The following TAFA2 variants were observed in gnomAD, a reference collection of about 807,000 sequenced individuals.
TAFA2 encodes the protein chemokine-like protein TAFA-2.
Under a neutral mutation model 18.8 loss-of-function variants are expected in TAFA2, and 7 were observed. The ratio of observed to expected loss-of-function variants is 0.37; its 90% CI spans 0.21 to 0.70. The LOEUF (loss-of-function observed/expected upper bound fraction) is 0.70, where lower values mean the gene tolerates loss of function less well. TAFA2 is among the 30% of genes least tolerant of loss of function. The pLI is 0.53. For synonymous variants in TAFA2, 60 were observed against 54.2 expected (o/e 1.11, Z -0.47); for missense variants, 122 against 158.1 (o/e 0.77, Z 1.23).
intron 1 of TAFA2, among the ~76,000 whole-genome samples, chr12:61,990,279 G>T (rs1204277093): frequency 1.3e-5 from 2 of 148,854 alleles, no homozygotes; most frequent in Non-Finnish European, 3.0e-5. Flanking sequence ...CCATTTGTTA[G>T]TTTATTCTTT....
intron 1 of TAFA2, among the ~76,000 whole-genome samples, chr12:61,954,899 T>G (rs141250595): frequency 5.5e-4 from 84 of 152,284 alleles, no homozygotes; most frequent in African/African-American, 1.9e-3. Flanking sequence ...GTTCATTGAC[T>G]TACACAAAAT....
chr12:61,789,182 A>G (rs960998719), intron 2 of TAFA2, among the ~76,000 whole-genome samples: 7 of 151,774 alleles, frequency 4.6e-5, no homozygotes, highest in African/African-American at 1.7e-4. Flanking sequence ...TTTTGTTGCC[A>G]TTGCTTTTGG....
At chr12:61,890,008 C>G (rs917341531) in intron 1 of TAFA2, among the ~76,000 whole-genome samples, 6 of 152,202 alleles carry the variant, frequency 3.9e-5, no homozygotes, top group Admixed American at 6.5e-5. Flanking sequence ...GCCACAAAAT[C>G]CAAAATGAAC....
At chr12:62,221,809 CAAGTT>C (rs1027262829) in intron 1 of TAFA2, among the ~76,000 whole-genome samples, 1 of 151,992 alleles carries the variant, frequency 6.6e-6, no homozygotes, top group African/African-American at 2.4e-5. Flanking sequence ...CTCTGACCAT[CAAGTT>C]AAGATTGAAA....
At chr12:61,889,032 A>C (rs946533500) in intron 1 of TAFA2, among the ~76,000 whole-genome samples, 1 of 152,152 alleles carries the variant, frequency 6.6e-6, no homozygotes, top group Non-Finnish European at 1.5e-5. Context: ...ATTGCTAACT[A>C]TCTGAGTGAG....
At chr12:61,952,284 T>G (rs1255195366) in intron 1 of TAFA2, among the ~76,000 whole-genome samples, 1 of 152,124 alleles carries the variant, frequency 6.6e-6, no homozygotes, top group Admixed American at 6.6e-5. Flanking sequence ...CTTTAATTAT[T>G]TTTCTCTATT....
At chr12:62,123,781 T>TACACTCACAC (rs1870325592) in intron 1 of TAFA2, among the ~76,000 whole-genome samples, 1 of 132,850 alleles carries the variant, frequency 7.5e-6, no homozygotes, top group Admixed American at 7.6e-5. Flanking sequence ...ACCACACACA[T>TACACTCACAC]ACACACACAC....
At chr12:62,209,333 ACTT>A (rs902337739) in intron 1 of TAFA2, among the ~76,000 whole-genome samples, 13 of 151,948 alleles carry the variant, frequency 8.6e-5, no homozygotes, top group African/African-American at 2.9e-4. Flanking sequence ...TTCACTCAAA[ACTT>A]CTTCTTCCTG....
At chr12:61,915,764 G>C (rs967587968) in intron 1 of TAFA2, among the ~76,000 whole-genome samples, 1 of 152,188 alleles carries the variant, frequency 6.6e-6, no homozygotes, top group Admixed American at 6.5e-5. Context: ...AGCTCAAGAA[G>C]AGAGAGCACA....
intron 1 of TAFA2, among the ~76,000 whole-genome samples, chr12:62,149,185 C>T (rs2062308245): frequency 1.3e-5 from 2 of 152,176 alleles, no homozygotes; most frequent in Admixed American, 1.3e-4. Context: ...AATATTCCTT[C>T]AGGTTCTTTC....
chr12:61,957,016 C>G (rs533289283), intron 1 of TAFA2, among the ~76,000 whole-genome samples: 1 of 152,242 alleles, frequency 6.6e-6, no homozygotes, highest in African/African-American at 2.4e-5. Flanking sequence ...AATACTCCTA[C>G]AAAATATGTA....
At chr12:62,167,927 A>G (rs1184154044) in intron 1 of TAFA2, among the ~76,000 whole-genome samples, 1 of 152,236 alleles carries the variant, frequency 6.6e-6, no homozygotes, top group Admixed American at 6.5e-5. Context: ...CTCAATGAAA[A>G]TAATATCTGC....
intron 1 of TAFA2, among the ~76,000 whole-genome samples, chr12:61,975,572 T>C (rs1879403482): frequency 6.8e-6 from 1 of 147,604 alleles, no homozygotes; most frequent in Non-Finnish European, 1.5e-5. Context: ...TACTCATCTG[T>C]TGACAGACAC....
At chr12:61,804,644 G>C (rs1338231489) in intron 2 of TAFA2, among the ~76,000 whole-genome samples, 1 of 152,024 alleles carries the variant, frequency 6.6e-6, no homozygotes. Context: ...TATGAAACAA[G>C]TTTCTACAGC....
intron 1 of TAFA2, among the ~76,000 whole-genome samples, chr12:62,178,978 T>C (rs1037528516): frequency 6.6e-6 from 1 of 152,260 alleles, no homozygotes; most frequent in South Asian, 2.1e-4. Flanking sequence ...TCTATCAGAG[T>C]TTCCTTACCT....
chr12:62,099,977 A>T (rs1262513408), intron 1 of TAFA2, among the ~76,000 whole-genome samples: 1 of 152,224 alleles, frequency 6.6e-6, no homozygotes, highest in African/African-American at 2.4e-5. Flanking sequence ...ATTCTTTTAA[A>T]GTAGAAAATA....
At chr12:61,927,936 G>A (rs562568085) in intron 1 of TAFA2, among the ~76,000 whole-genome samples, 18 of 152,256 alleles carry the variant, frequency 1.2e-4, no homozygotes, top group South Asian at 4.1e-4. Context: ...AATAAATGGC[G>A]TTGGGAAAAC....
chr12:61,948,874 T>G (rs181371719), intron 1 of TAFA2, among the ~76,000 whole-genome samples: 1 of 152,296 alleles, frequency 6.6e-6, no homozygotes, highest in East Asian at 1.9e-4. Context: ...GTCAGGTGAT[T>G]GCCTGTCCCC....
At chr12:61,924,143 G>A (rs1018573903) in intron 1 of TAFA2, among the ~76,000 whole-genome samples, 1 of 152,020 alleles carries the variant, frequency 6.6e-6, no homozygotes, top group Non-Finnish European at 1.5e-5. Flanking sequence ...AGGGAGAAAG[G>A]AACCAAGTTG....
Sources: gnomAD v4.1 joint callset for allele counts (sites outside exome capture counted in the v4.1 genomes callset) on GRCh38, gnomAD v4.1.1 for gene constraint, MANE v1.5 for transcripts, NCBI Gene and HGNC (gene_info 2026-07-23, HGNC 2026-07-21) for gene names.